EPB41L4A: variants seen among roughly 807,000 people sequenced by gnomAD.
EPB41L4A encodes erythrocyte membrane protein band 4.1 like 4A, also known as band 4.1-like protein 4A.
A neutral mutation model predicts 108.6 loss-of-function variants in EPB41L4A; 100 were observed. That is an observed-to-expected ratio of 0.92 (90% CI 0.78 to 1.09). The LOEUF is 1.09. Among genes scored for constraint, EPB41L4A ranks in the 50% least tolerant of loss-of-function variants. EPB41L4A has a pLI of 0.00. For missense variants in EPB41L4A, 1,030 were observed against 842.7 expected, an observed-to-expected ratio of 1.22 and a Z score of -2.75; for synonymous variants, 319 against 289.0, an observed-to-expected ratio of 1.10 and a Z score of -1.05.
At chr5:112,339,502 A>ATAGATATCTATATCTATATC (rs1561585272) in intron 1 of EPB41L4A, among the ~76,000 whole-genome samples, 3 of 102,454 alleles carry the variant, frequency 2.9e-5, no homozygotes, top group East Asian at 2.9e-4. Context: ...ATATCTATAT[A>ATAGATATCTATATCTATATC]TATATATAGA....
chr5:112,318,515 A>C (rs781148191), intron 1 of EPB41L4A, among the ~76,000 whole-genome samples: 8 of 152,188 alleles, frequency 5.3e-5, no homozygotes, highest in Non-Finnish European at 1.0e-4. Context: ...CGCCCTTCTA[A>C]GGCATCAGGC....
intron 1 of EPB41L4A, among the ~76,000 whole-genome samples, chr5:112,416,570 T>C (rs563789463): frequency 2.6e-5 from 4 of 152,314 alleles, no homozygotes; most frequent in Admixed American, 1.3e-4. Context: ...ATTTTGACTT[T>C]AATTAGTGGT....
chr5:112,147,627 G>T (rs2112792927), intron 12 of EPB41L4A, among the ~76,000 whole-genome samples: 1 of 133,432 alleles, frequency 7.5e-6, no homozygotes, highest in African/African-American at 2.9e-5. Flanking sequence ...AACAGAACGA[G>T]ACTCTGTCTC....
chr5:112,186,521 A>G (rs1207229354), intron 17 of EPB41L4A, among the ~76,000 whole-genome samples: 2 of 152,262 alleles, frequency 1.3e-5, no homozygotes, highest in South Asian at 2.1e-4. Flanking sequence ...TGAAAAGTCT[A>G]AAGTGAGGGC....
chr5:112,195,607 T>C, intron 16 of EPB41L4A, 54 bp downstream of exon 16: 1 of 1,466,328 alleles, frequency 6.8e-7, no homozygotes, highest in South Asian at 1.1e-5. Context: ...TGAGCATTTC[T>C]AAATCTGCTA....
chr5:112,165,252 C>A (rs1253234316), intron 22 of EPB41L4A, 134 bp from the exon 23 acceptor site: 4 of 666,492 alleles, frequency 6.0e-6, no homozygotes, highest in East Asian at 5.4e-5. Flanking sequence ...ATACCAAAAG[C>A]TATTCAATAA....
chr5:112,272,237 C>T (rs915100906), intron 4 of EPB41L4A, among the ~76,000 whole-genome samples: 2 of 149,856 alleles, frequency 1.3e-5, no homozygotes, highest in African/African-American at 4.9e-5. Flanking sequence ...CGGGTTCAAG[C>T]GATTCTCCTG....
Position 112,307,417 on chromosome 5 carries a change from C to G in EPB41L4A, c.173G>C (p.Gly58Ala). Residue 58 changes from glycine to alanine, a missense_variant, in exon 2 of 23, where the codon GGG becomes GCG. Coordinates refer to ENST00000261486, the MANE Select transcript of EPB41L4A (RefSeq NM_022140.5). The part of the protein sequence containing the change: ...HVNLVEIDYF[G>A]LRYCDRSHQT... Reference sequence around the variant, plus strand: ...ATGGCTTCTGTCACAGTAACGTAGCCCAAAATAATCTATCTCCACAAGGTT... The same window carrying G: ...ATGGCTTCTGTCACAGTAACGTAGCGCAAAATAATCTATCTCCACAAGGTT... 1 of 1,613,004 alleles carries G rather than the reference C, an allele frequency of 6.2e-7. No homozygotes were observed. The highest frequency in any genetic ancestry group is 8.5e-7 in the Non-Finnish European group (1 of 1,179,238).
At chr5:112,173,378 G>A (rs1223652287) in intron 18 of EPB41L4A, among the ~76,000 whole-genome samples, 3 of 152,070 alleles carry the variant, frequency 2.0e-5, no homozygotes, top group Admixed American at 2.0e-4. Context: ...AGTGGTGAGA[G>A]ATAGTGACTA....
chr5:112,365,050 CTG>C (rs900871523), intron 1 of EPB41L4A, among the ~76,000 whole-genome samples: 1 of 152,142 alleles, frequency 6.6e-6, no homozygotes, highest in African/African-American at 2.4e-5. Context: ...TGTTTGACCG[CTG>C]TGTTTCCAAA....
chr5:112,148,893 A>G (rs1759363763), intron 12 of EPB41L4A, among the ~76,000 whole-genome samples: 1 of 152,342 alleles, frequency 6.6e-6, no homozygotes, highest in Admixed American at 6.5e-5. Context: ...AAGGTCCAGC[A>G]TACACTAAGA....
intron 12 of EPB41L4A, among the ~76,000 whole-genome samples, chr5:112,214,023 G>A (rs1359987675): frequency 6.6e-6 from 1 of 152,198 alleles, no homozygotes; most frequent in Non-Finnish European, 1.5e-5. Flanking sequence ...ATTGAAATCT[G>A]CAGAGGTGAG....
intron 18 of EPB41L4A, among the ~76,000 whole-genome samples, chr5:112,177,945 C>G (rs1426262705): frequency 1.3e-5 from 2 of 151,144 alleles, no homozygotes; most frequent in Non-Finnish European, 3.0e-5. Flanking sequence ...GAAAAAAGAA[C>G]AAGATGGTAG....
chr5:112,236,117 G>A (rs557634434), intron 11 of EPB41L4A, among the ~76,000 whole-genome samples: 28 of 152,128 alleles, frequency 1.8e-4, no homozygotes, highest in Non-Finnish European at 4.1e-4. Context: ...AACCCAATAT[G>A]TGAACCACTG....
At chr5:112,152,070 T>C (rs1759490333) in intron 12 of EPB41L4A, among the ~76,000 whole-genome samples, 2 of 152,104 alleles carry the variant, frequency 1.3e-5, no homozygotes, top group East Asian at 1.9e-4. Context: ...CAAGTTAAAA[T>C]TTGAGAATTC....
intron 17 of EPB41L4A, among the ~76,000 whole-genome samples, chr5:112,190,047 C>T (rs1484447748): frequency 1.3e-5 from 2 of 152,128 alleles, no homozygotes; most frequent in Non-Finnish European, 2.9e-5. Context: ...CCCTTCTGAT[C>T]TCAGGGACGA....
In EPB41L4A at chr5:112,345,469, A is replaced by T. The variant is rs138563666; in HGVS notation, c.100-37979T>A. ...CTGCAGTATTCTGTAAGATCTCTTT[A>T]AAAAAAAAGATACATTAGACTAGAA... is the stretch of plus-strand genomic sequence containing the variant. On this transcript the variant is annotated intron_variant, in intron 1 of 22. Transcript: ENST00000261486. 4.0e-3 allele frequency among the ~76,000 whole-genome samples: 600 copies of T among 151,464 alleles called. 2 individuals carry two copies. Among genetic ancestry groups the T allele is most frequent in the Non-Finnish European group, 5.4e-3 (363 of 67,826 alleles).
intron 2 of EPB41L4A, among the ~76,000 whole-genome samples, chr5:112,281,453 A>G (rs1752960919): frequency 6.6e-6 from 1 of 152,230 alleles, no homozygotes; most frequent in South Asian, 2.1e-4. Flanking sequence ...TTCCCACAAA[A>G]GCAGAGTCAA....
intron 1 of EPB41L4A, among the ~76,000 whole-genome samples, chr5:112,367,157 C>G (rs954573068): frequency 2.0e-5 from 3 of 152,138 alleles, no homozygotes; most frequent in Non-Finnish European, 4.4e-5. Context: ...TTTCAACAGC[C>G]GGACCAATCT....
Sources: gnomAD v4.1 joint callset for allele counts (sites outside exome capture counted in the v4.1 genomes callset) on GRCh38, gnomAD v4.1.1 for gene constraint, MANE v1.5 for transcripts, NCBI Gene and HGNC (gene_info 2026-07-23, HGNC 2026-07-21) for gene names.